Variants in SLC24A2 observed in about 807,000 individuals in gnomAD.
SLC24A2 encodes solute carrier family 24 member 2, also known as sodium/potassium/calcium exchanger 2.
Under a neutral mutation model 62.0 loss-of-function variants are expected in SLC24A2, and 36 were observed. That is an observed-to-expected ratio of 0.58 (90% CI 0.44 to 0.77). The LOEUF is 0.77. Among genes scored for constraint, SLC24A2 ranks in the 30% least tolerant of loss-of-function variants. The probability of loss-of-function intolerance (pLI) is 0.00; values close to 1 mark genes in which losing one functional copy is unlikely to be tolerated. For synonymous variants in SLC24A2, 358 were observed against 294.0 expected, an observed-to-expected ratio of 1.22 and a Z score of -2.23; for missense variants, 846 against 817.9, an observed-to-expected ratio of 1.03 and a Z score of -0.42.
intron 5 of SLC24A2, among the ~76,000 whole-genome samples, chr9:19,591,800 A>G (rs1836561189): frequency 6.6e-6 from 1 of 152,222 alleles, no homozygotes; most frequent in Non-Finnish European, 1.5e-5. Context: ...CTTGAGAGAA[A>G]AATAAACTTC....
the SLC24A2 span, among the ~76,000 whole-genome samples, chr9:20,226,623 T>C: frequency 6.6e-6 from 1 of 152,132 alleles, no homozygotes; most frequent in Non-Finnish European, 1.5e-5. Context: ...ACATATTCTC[T>C]TGGCTATAAT....
chr9:20,281,203 T>C, the SLC24A2 span, among the ~76,000 whole-genome samples: 8 of 152,348 alleles, frequency 5.3e-5, no homozygotes, highest in African/African-American at 1.9e-4. Context: ...GTGCTGGGAA[T>C]ACAGGCGTGA....
At chr9:20,061,297 T>C in the SLC24A2 span, among the ~76,000 whole-genome samples, 1 of 152,116 alleles carries the variant, frequency 6.6e-6, no homozygotes, top group African/African-American at 2.4e-5. Flanking sequence ...GATTTTTTTT[T>C]TTTTTGAGAC....
the SLC24A2 span, among the ~76,000 whole-genome samples, chr9:19,949,017 G>A: frequency 5.3e-5 from 8 of 150,618 alleles, no homozygotes; most frequent in East Asian, 2.0e-4. Flanking sequence ...TTTTTGAGAC[G>A]GAGTCTTACT....
chr9:19,784,589 C>T (rs565706438), intron 2 of SLC24A2, among the ~76,000 whole-genome samples: 12 of 152,252 alleles, frequency 7.9e-5, no homozygotes, highest in Non-Finnish European at 1.6e-4. Context: ...CAAACGGACT[C>T]GAGGAGAGCA....
chr9:19,713,237 G>A (rs549903399), intron 2 of SLC24A2, among the ~76,000 whole-genome samples: 15 of 152,100 alleles, frequency 9.9e-5, no homozygotes, highest in African/African-American at 3.6e-4. Flanking sequence ...ATGAAGGAAG[G>A]AAGTACCTGC....
At chr9:20,162,918 T>C in the SLC24A2 span, among the ~76,000 whole-genome samples, 19,447 of 151,990 alleles carry the variant, frequency 0.13, 1,598 homozygotes, top group Middle Eastern at 0.33. Flanking sequence ...AGGCCTTTGA[T>C]AAAATTTAAC....
chr9:20,005,440 A>C, the SLC24A2 span, among the ~76,000 whole-genome samples: 4 of 152,152 alleles, frequency 2.6e-5, no homozygotes, highest in Non-Finnish European at 5.9e-5. Context: ...ACAGTGGCCT[A>C]AGGAATAGAC....
chr9:19,755,241 T>C (rs1822105231), intron 2 of SLC24A2, among the ~76,000 whole-genome samples: 1 of 152,194 alleles, frequency 6.6e-6, no homozygotes, highest in Non-Finnish European at 1.5e-5. Flanking sequence ...GCCAAGTACT[T>C]GGTCCCTAGT....
chr9:19,516,197 C>A lies in SLC24A2; in HGVS notation c.1942G>T (p.Val648Phe). The change falls in exon 11 of 11, where the codon GTT (valine) becomes TTT (phenylalanine). Residue 648 changes from valine to phenylalanine, a missense_variant. By Grantham distance (50) the Val-to-Phe change is conservative. Transcript: ENST00000341998. ...GTAAGAATTCTGTCTTCTAGGAGAA[C>A]GCTCACCACCAGGAACACAAAGTAG... The part of the protein sequence containing the change: ...GLYFVFLVVS[V>F]LLEDRILTCP... 6.2e-7 allele frequency: 1 copy of A among 1,614,118 alleles called. No homozygotes were observed. Among genetic ancestry groups the A allele is most frequent in the African/African-American group, 1.3e-5 (1 of 75,028 alleles).
At chr9:20,114,091 G>C in the SLC24A2 span, among the ~76,000 whole-genome samples, 14,714 of 152,132 alleles carry the variant, frequency 0.097, 1,475 homozygotes, top group East Asian at 0.53. Flanking sequence ...AGTTCTGAGA[G>C]GCTGAGGTTG....
chr9:20,142,544 T>C, the SLC24A2 span, among the ~76,000 whole-genome samples: 1 of 151,968 alleles, frequency 6.6e-6, no homozygotes, highest in Non-Finnish European at 1.5e-5. Context: ...ACTATTTTCT[T>C]TGGCTCTCTC....
At chr9:19,815,248 C>G in the SLC24A2 span, among the ~76,000 whole-genome samples, 1 of 152,236 alleles carries the variant, frequency 6.6e-6, no homozygotes, top group Admixed American at 6.5e-5. Flanking sequence ...CTCAAGAGGT[C>G]TTTGGGATTC....
the SLC24A2 span, among the ~76,000 whole-genome samples, chr9:19,998,884 T>G: frequency 3.9e-5 from 6 of 152,212 alleles, no homozygotes; most frequent in Admixed American, 1.3e-4. Flanking sequence ...GCCCTGATGA[T>G]GGGGGACCTC....
At chr9:20,286,837 T>A in the SLC24A2 span, among the ~76,000 whole-genome samples, 3 of 152,154 alleles carry the variant, frequency 2.0e-5, no homozygotes, top group Non-Finnish European at 4.4e-5. Context: ...CGAGAAAGGA[T>A]GCTTAACTTG....
chr9:19,697,282 G>A (rs867558217), intron 2 of SLC24A2, among the ~76,000 whole-genome samples: 17 of 152,062 alleles, frequency 1.1e-4, no homozygotes, highest in Admixed American at 1.3e-4. Flanking sequence ...GGGGCCTGCC[G>A]GGGGTGCAGC....
At chr9:19,809,990 G>T in the SLC24A2 span, among the ~76,000 whole-genome samples, 3 of 152,100 alleles carry the variant, frequency 2.0e-5, no homozygotes, top group Non-Finnish European at 2.9e-5. Context: ...CCCAGACAAC[G>T]CAGCCACTTC....
At chr9:19,972,552 G>C in the SLC24A2 span, among the ~76,000 whole-genome samples, 1 of 152,094 alleles carries the variant, frequency 6.6e-6, no homozygotes, top group Non-Finnish European at 1.5e-5. Flanking sequence ...CGTGTGGCAG[G>C]CTGTGAACTC....
At chr9:19,637,805 A>G (rs908959571) in intron 2 of SLC24A2, among the ~76,000 whole-genome samples, 4 of 152,184 alleles carry the variant, frequency 2.6e-5, no homozygotes, top group African/African-American at 9.7e-5. Context: ...GTGTTGGTAA[A>G]ATGCCATTTC....
Sources: gnomAD v4.1 joint callset for allele counts (sites outside exome capture counted in the v4.1 genomes callset) on GRCh38, gnomAD v4.1.1 for gene constraint, MANE v1.5 for transcripts, NCBI Gene and HGNC (gene_info 2026-07-23, HGNC 2026-07-21) for gene names.